Variants in GTF2E2 observed in about 807,000 individuals in gnomAD.
GTF2E2 encodes general transcription factor IIE subunit 2.
In GTF2E2, 21 loss-of-function variants were observed where a neutral mutation model predicts 40.5. The ratio of observed to expected loss-of-function variants is 0.52; its 90% CI spans 0.37 to 0.75. The LOEUF (loss-of-function observed/expected upper bound fraction) is 0.75. Among genes scored for constraint, GTF2E2 ranks in the 30% least tolerant of loss-of-function variants. The probability of loss-of-function intolerance (pLI) is 0.00; values close to 1 mark genes in which losing one functional copy is unlikely to be tolerated. For missense variants in GTF2E2, 298 were observed against 338.4 expected (o/e 0.88, Z 0.94); for synonymous variants, 117 against 121.6 (o/e 0.96, Z 0.25).
At chr8:30,600,887 G>A (rs1423886202) in intron 6 of GTF2E2, among the ~76,000 whole-genome samples, 1 of 152,156 alleles carries the variant, frequency 6.6e-6, no homozygotes, top group East Asian at 1.9e-4. Context: ...TGAAGTGTGC[G>A]CACTCAGAGT....
intron 6 of GTF2E2, among the ~76,000 whole-genome samples, chr8:30,587,134 G>A (rs1828706549): frequency 6.6e-6 from 1 of 152,212 alleles, no homozygotes; most frequent in Non-Finnish European, 1.5e-5. Flanking sequence ...ATATAGGGCA[G>A]GTGCCACAAC....
intron 6 of GTF2E2, among the ~76,000 whole-genome samples, chr8:30,581,640 T>A (rs375369401): frequency 6.6e-6 from 1 of 152,232 alleles, no homozygotes; most frequent in African/African-American, 2.4e-5. Context: ...TAAGATTTTT[T>A]AATTTCCATA....
chr8:30,592,632 T>G (rs988822084), intron 6 of GTF2E2, among the ~76,000 whole-genome samples: 1 of 152,206 alleles, frequency 6.6e-6, no homozygotes, highest in Non-Finnish European at 1.5e-5. Flanking sequence ...AAATAATCTC[T>G]GGATTACTTA....
intron 1 of GTF2E2, 25 bp from the exon 2 acceptor site, chr8:30,653,627 T>G: frequency 6.4e-7 from 1 of 1,562,512 alleles, no homozygotes. Flanking sequence ...TAAGTGTCTT[T>G]AATACAAATT....
Position 30,607,049 on chromosome 8 carries a change from A to AT in GTF2E2, c.643+7_643+8insA. On this transcript the variant is annotated splice_region_variant and intron_variant, in intron 6 of 7. Coordinates refer to ENST00000355904, the MANE Select transcript of GTF2E2 (RefSeq NM_002095.6). ...TTGCAAACTAAAGTATAATACAGAA[A>AT]AGCTCACCTTCATCCACAGAAAACT... 8.9e-7 allele frequency: 1 copy of AT among 1,122,642 alleles called. No homozygotes were observed. The highest frequency in any genetic ancestry group is 1.3e-6 in the Non-Finnish European group (1 of 758,394). 69.5% of individuals were successfully genotyped at this position (1,122,642 alleles called of 1,614,324 possible). A position where few individuals can be genotyped will look rare whatever the true frequency, so the allele number is the denominator to read the frequency against.
intron 6 of GTF2E2, among the ~76,000 whole-genome samples, chr8:30,588,849 A>G (rs764812238): frequency 6.6e-6 from 1 of 152,232 alleles, no homozygotes; most frequent in Non-Finnish European, 1.5e-5. Context: ...TCTGACCTCC[A>G]GAACAGTAAG....
chr8:30,639,714 G>C (rs1317985985), intron 2 of GTF2E2, among the ~76,000 whole-genome samples: 2 of 151,990 alleles, frequency 1.3e-5, no homozygotes. Flanking sequence ...TAAAGAGCCA[G>C]CTTCTGTCCT....
In GTF2E2 at chr8:30,578,899, T is replaced by C. The variant is rs1481119378; in HGVS notation, c.*22A>G. 1 of 1,152,494 alleles carries C rather than the reference T, an allele frequency of 8.7e-7. No individual in the cohort carries two copies. The highest frequency in any genetic ancestry group is 1.2e-5 in the South Asian group (1 of 81,734). The allele number at this position is 1,152,494 out of a possible 1,614,324, so 71.4% of individuals were successfully genotyped here. ...ACTCTTGATTGTGTATCTGTAACTC[T>C]GTTCCAGGGCAAAACTGTTCCCTAT... On this transcript the variant is annotated 3_prime_UTR_variant, in exon 8 of 8. Coordinates refer to ENST00000355904, the MANE Select transcript of GTF2E2 (RefSeq NM_002095.6).
chr8:30,606,614 T>C (rs1196908430), intron 6 of GTF2E2, among the ~76,000 whole-genome samples: 1 of 152,200 alleles, frequency 6.6e-6, no homozygotes, highest in African/African-American at 2.4e-5. Flanking sequence ...AACTCCACAA[T>C]TTCCAGAAAG....
intron 3 of GTF2E2, among the ~76,000 whole-genome samples, chr8:30,633,914 T>A (rs1255419568): frequency 1.3e-5 from 2 of 152,188 alleles, no homozygotes; most frequent in Non-Finnish European, 2.9e-5. Flanking sequence ...GAATTTAGAC[T>A]CAGCTAGACA....
At chr8:30,582,912 C>A (rs776316960) in intron 6 of GTF2E2, among the ~76,000 whole-genome samples, 1 of 152,194 alleles carries the variant, frequency 6.6e-6, no homozygotes, top group Non-Finnish European at 1.5e-5. Flanking sequence ...TATATAAATA[C>A]CGTTTCTCAT....
In GTF2E2 at chr8:30,618,370, T is replaced by C. The variant is rs1460742663; in HGVS notation, c.259-3655A>G. On this transcript the variant is annotated intron_variant, in intron 3 of 7. Transcript: ENST00000355904. Reference sequence around the variant, plus strand: ...AGTAAAGTGGCTCCTTCATCACTAGTAGTAAAGTGGCTCCTTCGCTTCATG... The same window carrying C: ...AGTAAAGTGGCTCCTTCATCACTAGCAGTAAAGTGGCTCCTTCGCTTCATG... Among the ~76,000 whole-genome samples the C allele has an allele frequency of 2.0e-5, 3 of 152,004 alleles. No individual in the cohort carries two copies. In the East Asian group the frequency reaches 5.8e-4, roughly 29 times the overall value.
intron 2 of GTF2E2, chr8:30,636,947 G>T: frequency 2.3e-6 from 1 of 444,264 alleles, no homozygotes; most frequent in Non-Finnish European, 4.5e-6. Flanking sequence ...ATTCTCCCAA[G>T]GTGTTCAGCA....
chr8:30,636,774 A>G (rs749379874), intron 2 of GTF2E2, among the ~76,000 whole-genome samples: 16 of 151,960 alleles, frequency 1.1e-4, no homozygotes, highest in Non-Finnish European at 1.8e-4. Context: ...AATCACTTGA[A>G]CGAGAGAGTT....
chr8:30,584,586 A>G (rs1828619065), intron 6 of GTF2E2: 1 of 152,218 alleles, frequency 6.6e-6, no homozygotes, highest in African/African-American at 2.4e-5. Flanking sequence ...CTCAGATTTG[A>G]TCCTTTCATT....
intron 2 of GTF2E2, among the ~76,000 whole-genome samples, chr8:30,640,285 T>C (rs1296931315): frequency 3.3e-5 from 5 of 152,184 alleles, no homozygotes; most frequent in African/African-American, 9.6e-5. Context: ...TTACCATAAA[T>C]ACAGCAAAAG....
chr8:30,612,882 A>C (rs1345581501), intron 4 of GTF2E2, among the ~76,000 whole-genome samples: 1 of 152,204 alleles, frequency 6.6e-6, no homozygotes, highest in East Asian at 1.9e-4. Context: ...ATTATTTTAA[A>C]ATACAACACT....
chr8:30,649,910 C>A (rs1802216006), intron 2 of GTF2E2, among the ~76,000 whole-genome samples: 1 of 152,006 alleles, frequency 6.6e-6, no homozygotes. Flanking sequence ...AAAAGTAACT[C>A]AAAAAGAAAT....
At chr8:30,613,000 T>G (rs1014312373) in intron 4 of GTF2E2, among the ~76,000 whole-genome samples, 1 of 152,246 alleles carries the variant, frequency 6.6e-6, no homozygotes, top group African/African-American at 2.4e-5. Context: ...TGCTCACTTT[T>G]TATAAAAGAA....
Sources: allele counts gnomAD v4.1 joint callset (sites outside exome capture counted in the v4.1 genomes callset), GRCh38; gene constraint gnomAD v4.1.1; transcripts MANE v1.5; gene names NCBI Gene and HGNC (gene_info 2026-07-23, HGNC 2026-07-21).